SNX14: variants seen among roughly 807,000 people sequenced by gnomAD.
The protein encoded by SNX14 is sorting nexin 14.
In SNX14, 93 loss-of-function variants were observed where a neutral mutation model predicts 133.8. The observed-to-expected ratio is 0.70, with a 90% CI of 0.59 to 0.83. SNX14 has a LOEUF of 0.83. Among genes scored for constraint, SNX14 ranks in the 40% least tolerant of loss-of-function variants. The pLI is 0.00. For synonymous variants in SNX14, 368 were observed against 365.6 expected, an observed-to-expected ratio of 1.01 and a Z score of -0.07; for missense variants, 945 against 1,094.9, an observed-to-expected ratio of 0.86 and a Z score of 1.93.
At chr6:85,540,839 T>G (rs1410925844) in intron 15 of SNX14, among the ~76,000 whole-genome samples, 3 of 152,168 alleles carry the variant, frequency 2.0e-5, no homozygotes, top group Admixed American at 2.0e-4. Context: ...TCCAATTTAT[T>G]TATGTTTATT....
intron 7 of SNX14, among the ~76,000 whole-genome samples, chr6:85,553,628 C>CA (rs761409323): frequency 3.0e-4 from 46 of 151,602 alleles, no homozygotes; most frequent in Non-Finnish European, 5.6e-4. Flanking sequence ...ACTAAAAATA[C>CA]AAAAAAAATT....
At position 85,547,262 on chromosome 6, in the gene SNX14, A is replaced by C; in HGVS notation, c.994-36T>G. 1.9e-6 allele frequency: 3 copies of C among 1,611,300 alleles called. No individual in the cohort carries two copies. In the Middle Eastern group the frequency reaches 5.0e-4, roughly 267 times the overall value. On this transcript the variant is annotated intron_variant, in intron 11 of 28. Coordinates refer to ENST00000314673, the MANE Select transcript of SNX14 (RefSeq NM_153816.6). Reference sequence around the variant, plus strand: ...GAGAAAGATTAAGTTTAAGCTATATAAATGAGTTCTAAAATTGTTTATATC... The same window carrying C: ...GAGAAAGATTAAGTTTAAGCTATATCAATGAGTTCTAAAATTGTTTATATC...
rs976486909 is a variant in SNX14, at chr6:85,593,427, G to A, written c.140+152C>T. ...GTGCTTCCGGCCTCGACGCTCCGCC[G>A]TGCTCCCCGAGGCCGCTCCTCTGCG... On this transcript the variant is annotated intron_variant, in intron 1 of 28. Transcript: ENST00000314673. 8 of 1,215,456 alleles carry A rather than the reference G, an allele frequency of 6.6e-6. No individual in the cohort carries two copies. The Admixed American group carries it at 2.0e-4, about 30-fold the overall frequency. 75.3% of individuals were successfully genotyped at this position (1,215,456 alleles called of 1,614,324 possible). A position where few individuals can be genotyped will look rare whatever the true frequency, so the allele number is the denominator to read the frequency against.
Position 85,514,120 on chromosome 6 carries a change from T to C in SNX14, c.2507A>G (p.Glu836Gly). The C allele has an allele frequency of 6.2e-7, 1 of 1,613,920 alleles. No individual in the cohort carries two copies. Among genetic ancestry groups the C allele is most frequent in the Non-Finnish European group, 8.5e-7 (1 of 1,179,922 alleles). ...YTDYYLQCKL[E>G]QLFQEHRLVS... ...CAAACGGTGCTCCTGAAATAGCTGT[T>C]CTAGTTTACACTGAAGATAGTAATC... The change falls in exon 25 of 29, where the codon GAA (glutamate) becomes GGA (glycine). Residue 836 changes from glutamate to glycine, a missense_variant. By Grantham distance (98) the Glu-to-Gly change is moderately conservative. This residue lies in a region of SNX14 where 412 missense variants were observed against 516.6 expected (regional missense o/e 0.80). Transcript: ENST00000314673.
chr6:85,528,654 T>A (rs1487374770), intron 19 of SNX14, among the ~76,000 whole-genome samples: 1 of 152,142 alleles, frequency 6.6e-6, no homozygotes, highest in Non-Finnish European at 1.5e-5. Flanking sequence ...TATTATGAGA[T>A]TTTTTTGAAA....
rs1787158770 is a variant in SNX14, at chr6:85,549,966, G to T, written c.635-87C>A. 4 of 1,204,302 alleles carry T rather than the reference G, an allele frequency of 3.3e-6. No homozygotes were observed. The Admixed American group carries it at 6.8e-5, about 20-fold the overall frequency. 74.6% of individuals were successfully genotyped at this position (1,204,302 alleles called of 1,614,324 possible). A position where few individuals can be genotyped will look rare whatever the true frequency, so the allele number is the denominator to read the frequency against. ...TCCACTAACAAATAGAAGAGCATGGGCTGGGCGTGGTGGCTCATGCCTGTA... is the reference window on the plus strand; with the variant it reads ...TCCACTAACAAATAGAAGAGCATGGTCTGGGCGTGGTGGCTCATGCCTGTA... On this transcript the variant is annotated intron_variant, in intron 7 of 28. Coordinates refer to ENST00000314673, the MANE Select transcript of SNX14 (RefSeq NM_153816.6).
chr6:85,507,320 G>A (rs1771059034), intron 27 of SNX14, 31 bp from the exon 28 acceptor site: 1 of 1,550,594 alleles, frequency 6.4e-7, no homozygotes. Context: ...AATAATAAAT[G>A]TTAAGGCACT....
In SNX14 at chr6:85,507,226, C is replaced by T. The variant is rs1771016136; in HGVS notation, c.2802+7G>A. 3 of 1,608,544 alleles carry T rather than the reference C, an allele frequency of 1.9e-6. No individual in the cohort carries two copies. Among genetic ancestry groups the T allele is most frequent in the Non-Finnish European group, 1.7e-6 (2 of 1,177,402 alleles). On this transcript the variant is annotated splice_region_variant and intron_variant, in intron 28 of 28. Coordinates refer to ENST00000314673, the MANE Select transcript of SNX14 (RefSeq NM_153816.6). ...AATCATGAATAAAATTACTGCTTTT[C>T]AGTTACCTTATTGAGCTCTGGAAAC... is the stretch of plus-strand genomic sequence containing the variant.
chr6:85,555,941 T>C (rs1201422256), intron 7 of SNX14, among the ~76,000 whole-genome samples: 3 of 151,924 alleles, frequency 2.0e-5, no homozygotes, highest in Admixed American at 6.6e-5. Flanking sequence ...TGAGCTGAGA[T>C]TGTGCCATTG....
chr6:85,581,154 T>C (rs1441347803), intron 1 of SNX14: 1 of 152,178 alleles, frequency 6.6e-6, no homozygotes, highest in African/African-American at 2.4e-5. Flanking sequence ...AGAGACTCCA[T>C]TTGATTGGAG....
At position 85,547,738 on chromosome 6, in the gene SNX14, T is replaced by A. The variant is rs370739121; in HGVS notation, c.868-188A>T. Among the ~76,000 whole-genome samples the A allele has an allele frequency of 7.2e-5, 11 of 152,236 alleles. No individual in the cohort carries two copies. The East Asian group carries it at 1.2e-3, about 16-fold the overall frequency. On this transcript the variant is annotated intron_variant, in intron 9 of 28. Coordinates refer to ENST00000314673, the MANE Select transcript of SNX14 (RefSeq NM_153816.6). The stretch of plus-strand genomic sequence containing the variant: ...ACATCTACAAAACAGGTTCTTAACC[T>A]TTGTGAAAATGGGCAAATAAAAGCT...
Position 85,572,297 on chromosome 6 carries a change from C to T in SNX14, c.338+1G>A. On this transcript the variant is annotated splice_donor_variant, in intron 3 of 28. Transcript: ENST00000314673. LOFTEE classifies it high-confidence loss of function. ...AACAAATAAAAAAATATTTAACTTA[C>T]CTATGTCGTTTACATTTCACTTTAC... 1 of 1,612,966 alleles carries T rather than the reference C, an allele frequency of 6.2e-7. No homozygotes were observed. Among genetic ancestry groups the T allele is most frequent in the East Asian group, 2.2e-5 (1 of 44,792 alleles).
At chr6:85,589,300 C>T (rs577164896) in intron 1 of SNX14, 1 of 161,538 alleles carries the variant, frequency 6.2e-6, no homozygotes, top group African/African-American at 2.5e-5. Flanking sequence ...GCCATCATGG[C>T]TCACTGCATC....
Position 85,568,661 on chromosome 6 carries a change from C to T in SNX14, c.418-1084G>A, listed in dbSNP as rs565370845. ...CAAATGCAGTAGGGAGGGAACAAAA[C>T]GACATATCTAATCTAATGCTTCCAA... On this transcript the variant is annotated intron_variant, in intron 4 of 28. Coordinates refer to ENST00000314673, the MANE Select transcript of SNX14 (RefSeq NM_153816.6). 7.9e-5 allele frequency among the ~76,000 whole-genome samples: 12 copies of T among 152,232 alleles called. No homozygotes were observed. The South Asian group carries it at 1.0e-3, about 13-fold the overall frequency.
intron 23 of SNX14, among the ~76,000 whole-genome samples, chr6:85,515,137 C>T (rs1008561957): frequency 3.3e-5 from 5 of 151,522 alleles, no homozygotes; most frequent in African/African-American, 7.3e-5. Flanking sequence ...TGTAGTGATG[C>T]GTGCCTGTAG....
chr6:85,590,890 A>T (rs1288161629), intron 1 of SNX14, among the ~76,000 whole-genome samples: 1 of 152,182 alleles, frequency 6.6e-6, no homozygotes, highest in Admixed American at 6.5e-5. Context: ...CCTTACACTC[A>T]ATTTATTTAT....
At chr6:85,532,033 G>GAA (rs113924466) in intron 18 of SNX14, among the ~76,000 whole-genome samples, 23 of 150,930 alleles carry the variant, frequency 1.5e-4, no homozygotes, top group Admixed American at 4.6e-4. Flanking sequence ...CTCTCAAAAA[G>GAA]AAAAAAAATT....
chr6:85,535,674 T>G (rs1221967576), intron 17 of SNX14, among the ~76,000 whole-genome samples: 6 of 151,578 alleles, frequency 4.0e-5, no homozygotes, highest in Non-Finnish European at 7.4e-5. Context: ...AAAAAACGGC[T>G]TTATTTGAAT....
intron 1 of SNX14, among the ~76,000 whole-genome samples, chr6:85,586,853 A>G (rs1801029737): frequency 6.6e-6 from 1 of 152,100 alleles, no homozygotes; most frequent in Non-Finnish European, 1.5e-5. Flanking sequence ...CCTGGCCAAC[A>G]TGGCAAAACC....
Sources: gnomAD v4.1 joint callset for allele counts (sites outside exome capture counted in the v4.1 genomes callset) on GRCh38, gnomAD v4.1.1 for gene constraint, gnomAD v4.1.1 regional missense constraint, MANE v1.5 for transcripts, NCBI Gene and HGNC (gene_info 2026-07-23, HGNC 2026-07-21) for gene names.